Variants in PDE1C observed in about 807,000 individuals in gnomAD.
The protein encoded by PDE1C is dual specificity calcium/calmodulin-dependent 3',5'-cyclic nucleotide phosphodiesterase 1C.
Under a neutral mutation model 93.1 loss-of-function variants are expected in PDE1C, and 62 were observed. The observed-to-expected ratio is 0.67, with a 90% CI of 0.54 to 0.82. PDE1C has a LOEUF of 0.82. Among genes scored for constraint, PDE1C ranks in the 40% least tolerant of loss-of-function variants. The pLI, the probability that PDE1C is intolerant of heterozygous loss-of-function variation, is 0.00. For synonymous variants in PDE1C, 325 were observed against 310.1 expected (o/e 1.05, Z -0.50); for missense variants, 742 against 884.6 (o/e 0.84, Z 2.04).
intron 6 of PDE1C, among the ~76,000 whole-genome samples, chr7:31,866,526 T>C (rs1795319526): frequency 6.6e-6 from 1 of 151,996 alleles, no homozygotes; most frequent in South Asian, 2.1e-4. Context: ...AAAGAAAAAT[T>C]AAGGACCTAA....
intron 3 of PDE1C, among the ~76,000 whole-genome samples, chr7:32,088,500 A>G (rs1000041876): frequency 5.3e-5 from 8 of 152,266 alleles, no homozygotes; most frequent in Non-Finnish European, 1.0e-4. Context: ...TAGTCCGCCA[A>G]GGCGGCCGGA....
chr7:32,085,868 C>A (rs553493805), intron 3 of PDE1C, among the ~76,000 whole-genome samples: 1 of 145,888 alleles, frequency 6.9e-6, no homozygotes, highest in Admixed American at 6.8e-5. Context: ...ATAATCAGAG[C>A]TATCTATGAC....
At chr7:32,298,524 C>T (rs1812772986) in intron 1 of PDE1C, 2 of 1,182,894 alleles carry the variant, frequency 1.7e-6, no homozygotes, top group Admixed American at 2.3e-5. Flanking sequence ...GGCTCCCGCC[C>T]GGAGAGCACC....
chr7:32,139,067 A>C (rs1208220383), intron 3 of PDE1C, among the ~76,000 whole-genome samples: 1 of 152,214 alleles, frequency 6.6e-6, no homozygotes, highest in African/African-American at 2.4e-5. Flanking sequence ...ATAAATAATT[A>C]ACCAGAGTTG....
intron 1 of PDE1C, among the ~76,000 whole-genome samples, chr7:32,053,357 C>G (rs921350176): frequency 1.2e-4 from 19 of 152,322 alleles, no homozygotes; most frequent in African/African-American, 4.1e-4. Context: ...CGCACCTGGA[C>G]CCTGTCACCA....
chr7:31,643,602 C>A, the PDE1C span: 7 of 1,613,998 alleles, frequency 4.3e-6, no homozygotes, highest in East Asian at 2.2e-5. Context: ...ATCCTGTTAC[C>A]GCAACAGAAA....
At chr7:31,833,760 G>A (rs76770111) in intron 11 of PDE1C, among the ~76,000 whole-genome samples, 11,713 of 152,200 alleles carry the variant, frequency 0.077, 540 homozygotes, top group East Asian at 0.21. Flanking sequence ...AAAAGCATTC[G>A]GTTTTAAAAG....
intron 16 of PDE1C, chr7:31,786,080 G>A (rs974510676): frequency 1.3e-5 from 2 of 152,168 alleles, no homozygotes; most frequent in East Asian, 1.9e-4. Context: ...GTTTGGTGCT[G>A]TACCAATCAT....
intron 1 of PDE1C, among the ~76,000 whole-genome samples, chr7:32,335,224 G>A (rs556604853): frequency 3.9e-4 from 59 of 152,296 alleles, no homozygotes; most frequent in Admixed American, 2.7e-3. Context: ...AGCAGAGAAC[G>A]CAAGTCCACA....
intron 3 of PDE1C, among the ~76,000 whole-genome samples, chr7:32,100,102 A>G (rs1318667579): frequency 6.6e-6 from 1 of 152,240 alleles, no homozygotes; most frequent in Non-Finnish European, 1.5e-5. Context: ...CTTAGACTCC[A>G]TCCCATGCCC....
chr7:31,623,331 T>A, the PDE1C span, among the ~76,000 whole-genome samples: 6 of 152,022 alleles, frequency 3.9e-5, no homozygotes, highest in East Asian at 1.2e-3. Flanking sequence ...ATATCCTTGA[T>A]GAACATTGAT....
chr7:31,777,858 C>T (rs887391453), intron 16 of PDE1C, among the ~76,000 whole-genome samples: 1 of 152,108 alleles, frequency 6.6e-6, no homozygotes, highest in Non-Finnish European at 1.5e-5. Flanking sequence ...TCTCCATTTT[C>T]CAGGTCTCAC....
At chr7:31,914,383 A>G (rs1384688074) in intron 2 of PDE1C, among the ~76,000 whole-genome samples, 11 of 152,212 alleles carry the variant, frequency 7.2e-5, no homozygotes, top group Non-Finnish European at 1.6e-4. Context: ...GAACTTAGTG[A>G]TTCTACATCC....
At chr7:32,196,612 G>A (rs2128826476) in intron 2 of PDE1C, among the ~76,000 whole-genome samples, 1 of 152,250 alleles carries the variant, frequency 6.6e-6, no homozygotes, top group East Asian at 1.9e-4. Context: ...ATAGGAAAAT[G>A]TATGTCTATT....
chr7:32,078,458 G>A lies in PDE1C; in HGVS notation c.308+91327C>T, dbSNP rs77528551. ...TGGTAAATGCTTCTTGAAGAAAGGA[G>A]GTCTCTTGGGGAATTGGTAGAAGTA... On this transcript the variant is annotated intron_variant, in intron 3 of 18. Coordinates refer to the PDE1C transcript ENST00000396193. Among the ~76,000 whole-genome samples the A allele has an allele frequency of 5.2e-4, 79 of 152,222 alleles. 1 individual carries two copies. The East Asian group carries it at 0.012, about 23-fold the overall frequency.
At chr7:31,698,063 T>C in the PDE1C span, among the ~76,000 whole-genome samples, 1 of 152,216 alleles carries the variant, frequency 6.6e-6, no homozygotes, top group Admixed American at 6.5e-5. Flanking sequence ...AACCTAGGTC[T>C]ATCTCACCTT....
intron 16 of PDE1C, among the ~76,000 whole-genome samples, chr7:31,799,062 C>A (rs548434780): frequency 4.0e-5 from 6 of 151,534 alleles, no homozygotes; most frequent in South Asian, 2.1e-4. Context: ...GGTGTCCATG[C>A]CAGTAAGAAA....
intron 1 of PDE1C, among the ~76,000 whole-genome samples, chr7:32,255,278 T>C (rs573877231): frequency 6.6e-6 from 1 of 152,270 alleles, no homozygotes; most frequent in East Asian, 1.9e-4. Context: ...AGTGGGGTCC[T>C]GTCCCACATC....
chr7:32,194,202 G>A (rs1804447337), intron 2 of PDE1C, among the ~76,000 whole-genome samples: 1 of 152,054 alleles, frequency 6.6e-6, no homozygotes, highest in Admixed American at 6.5e-5. Context: ...GCGTGAGCCA[G>A]GCCAGTAGTT....
Sources: allele counts gnomAD v4.1 joint callset (sites outside exome capture counted in the v4.1 genomes callset), GRCh38; gene constraint gnomAD v4.1.1; transcripts MANE v1.5; gene names NCBI Gene and HGNC (gene_info 2026-07-23, HGNC 2026-07-21).